Variants in PWP1 observed in about 807,000 individuals in gnomAD.
PWP1 encodes PWP1 homolog, endonuclein, also known as periodic tryptophan protein 1 homolog.
A neutral mutation model predicts 69.9 loss-of-function variants in PWP1; 47 were observed. The observed-to-expected ratio is 0.67, with a 90% CI of 0.53 to 0.86. The LOEUF (loss-of-function observed/expected upper bound fraction) is 0.86. PWP1 is among the 40% of genes least tolerant of loss of function. The probability of loss-of-function intolerance (pLI) is 0.00; values close to 1 mark genes in which losing one functional copy is unlikely to be tolerated. For missense variants in PWP1, 551 were observed against 608.8 expected (o/e 0.91, Z 1.00); for synonymous variants, 222 against 208.2 (o/e 1.07, Z -0.57).
At chr12:107,703,599 T>C (rs1889756171) in intron 9 of PWP1, 86 bp from the exon 10 acceptor site, 1 of 1,130,928 alleles carries the variant, frequency 8.8e-7, no homozygotes, top group Non-Finnish European at 1.3e-6. Flanking sequence ...ATAGAAATAC[T>C]GTCAAATAGA....
rs1026760309 is a variant in PWP1, at chr12:107,697,536, T to C, written c.683T>C (p.Leu228Ser). Reference sequence around the variant, plus strand: ...TGGGACCTTGATATAGTGGACTCTTTAGAGCCAGTCTTCACACTCGGAAGT... The same window carrying C: ...TGGGACCTTGATATAGTGGACTCTTCAGAGCCAGTCTTCACACTCGGAAGT... ...EVWDLDIVDS[L>S]EPVFTLGSKL... Residue 228 changes from leucine (L) to serine (S), a missense_variant, in exon 7 of 15, where the codon TTA (leucine) becomes TCA (serine). By Grantham distance (145) the Leu-to-Ser change is moderately radical. Coordinates refer to ENST00000412830, the MANE Select transcript of PWP1 (RefSeq NM_007062.3). 4 of 1,610,638 alleles carry C rather than the reference T, an allele frequency of 2.5e-6. No individual in the cohort carries two copies. Among genetic ancestry groups the C allele is most frequent in the African/African-American group, 1.3e-5 (1 of 74,660 alleles).
At chr12:107,693,190 T>C (rs1889520331) in intron 5 of PWP1, 94 bp downstream of exon 5, 1 of 1,468,918 alleles carries the variant, frequency 6.8e-7, no homozygotes, top group Admixed American at 2.6e-5. Flanking sequence ...CCAGATCCTA[T>C]TGTATCTCAT....
chr12:107,712,397 C>CAGAT lies in PWP1; in HGVS notation c.*178_*181dup. ...ATATCCGGTCTTTGTGCTTGCTCTTCAGATGGATGGTTTGTAAGGCTCTTG... is the reference window on the plus strand; with the variant it reads ...ATATCCGGTCTTTGTGCTTGCTCTTCAGATAGATGGATGGTTTGTAAGGCTCTTG... On this transcript the variant is annotated 3_prime_UTR_variant, in exon 15 of 15. Coordinates refer to ENST00000412830, the MANE Select transcript of PWP1 (RefSeq NM_007062.3). The CAGAT allele has an allele frequency of 3.8e-6, 2 of 524,130 alleles. No homozygotes were observed. The highest frequency in any genetic ancestry group is 5.9e-5 in the South Asian group (2 of 34,178). 32.5% of individuals were successfully genotyped at this position (524,130 alleles called of 1,614,324 possible). A position where few individuals can be genotyped will look rare whatever the true frequency, so the allele number is the denominator to read the frequency against.
At chr12:107,688,870 C>G (rs1889428027) in intron 3 of PWP1, 68 bp downstream of exon 3, 1 of 1,456,636 alleles carries the variant, frequency 6.9e-7, no homozygotes, top group Non-Finnish European at 9.4e-7. Flanking sequence ...TTGTGGTGTT[C>G]CAAAGCTTTA....
rs934154240 is a variant in PWP1, at chr12:107,709,359, T to G, written c.1290+127T>G. The G allele has an allele frequency of 1.1e-4, 138 of 1,258,756 alleles. 5 individuals carry two copies. In the South Asian group the frequency reaches 2.0e-3, roughly 18 times the overall value. 78.0% of individuals were successfully genotyped at this position (1,258,756 alleles called of 1,614,324 possible). A position where few individuals can be genotyped will look rare whatever the true frequency, so the allele number is the denominator to read the frequency against. Reference sequence around the variant, plus strand: ...AACAAATATGGATGTGTTGGGGAAGTGAATTTTGAGTTTAGTCAAATTTGG... The same window carrying G: ...AACAAATATGGATGTGTTGGGGAAGGGAATTTTGAGTTTAGTCAAATTTGG... On this transcript the variant is annotated intron_variant, in intron 13 of 14. Coordinates refer to ENST00000412830, the MANE Select transcript of PWP1 (RefSeq NM_007062.3).
At chr12:107,691,108 A>G (rs776502458) in intron 3 of PWP1, among the ~76,000 whole-genome samples, 3 of 152,230 alleles carry the variant, frequency 2.0e-5, no homozygotes, top group Non-Finnish European at 4.4e-5. Flanking sequence ...AGTAGATAAC[A>G]TTGTGGAGGC....
chr12:107,687,012 C>T (rs969679211), intron 1 of PWP1, among the ~76,000 whole-genome samples: 5 of 150,288 alleles, frequency 3.3e-5, no homozygotes, highest in Admixed American at 2.6e-4. Context: ...AGAAAAAGAC[C>T]CTGCCTTTAT....
chr12:107,694,447 T>G (rs922225438), intron 5 of PWP1, among the ~76,000 whole-genome samples: 1 of 152,200 alleles, frequency 6.6e-6, no homozygotes. Flanking sequence ...TTCCATTGAT[T>G]AGCTTGGATT....
intron 3 of PWP1, among the ~76,000 whole-genome samples, chr12:107,689,406 A>G (rs1169607538): frequency 6.6e-6 from 1 of 152,004 alleles, no homozygotes; most frequent in Non-Finnish European, 1.5e-5. Flanking sequence ...CCCGTGGATA[A>G]GGGGGGACTA....
chr12:107,687,424 T>C (rs1889391674), intron 1 of PWP1, among the ~76,000 whole-genome samples: 1 of 152,210 alleles, frequency 6.6e-6, no homozygotes, highest in Non-Finnish European at 1.5e-5. Context: ...CAAAAAATAC[T>C]GATGTTTATG....
chr12:107,700,446 T>G (rs1889685482), intron 8 of PWP1, among the ~76,000 whole-genome samples: 1 of 152,232 alleles, frequency 6.6e-6, no homozygotes, highest in Non-Finnish European at 1.5e-5. Context: ...ACTTACTTCT[T>G]TGCAACTGGC....
At chr12:107,705,545 G>A (rs1889805349) in intron 11 of PWP1, among the ~76,000 whole-genome samples, 1 of 116,778 alleles carries the variant, frequency 8.6e-6, no homozygotes, top group Admixed American at 1.2e-4. Flanking sequence ...ACAGGCCCCA[G>A]TGTGTGATGT....
intron 11 of PWP1, among the ~76,000 whole-genome samples, chr12:107,708,283 C>G (rs1468892350): frequency 1.3e-5 from 2 of 152,202 alleles, no homozygotes; most frequent in East Asian, 3.8e-4. Context: ...CAAGCCTTCT[C>G]TTCCCTGGCC....
intron 7 of PWP1, 93 bp downstream of exon 7, chr12:107,697,690 A>G (rs1889619651): frequency 3.9e-6 from 5 of 1,297,644 alleles, no homozygotes; most frequent in Non-Finnish European, 5.5e-6. Flanking sequence ...TTTTTCAATC[A>G]GGTATTCTTG....
chr12:107,710,550 T>TG, intron 14 of PWP1, 40 bp downstream of exon 14: 1 of 1,111,358 alleles, frequency 9.0e-7, no homozygotes, highest in African/African-American at 1.7e-5. Flanking sequence ...CCCCTGCCCC[T>TG]GTAAAAAAAA....
At position 107,712,529 on chromosome 12, in the gene PWP1, G is replaced by A. The variant is rs760712336; in HGVS notation, c.*309G>A. 52 of 188,330 alleles carry A rather than the reference G, an allele frequency of 2.8e-4. No individual in the cohort carries two copies. Among genetic ancestry groups the A allele is most frequent in the Admixed American group, 1.7e-3 (29 of 16,916 alleles). The allele number at this position is 188,330 out of a possible 1,614,324, so 11.7% of individuals were successfully genotyped here. ...ATTTGTAAATAGGTAGTAATTTATAGAATTTTTAAAGCGTAAAATCCGGTA... is the reference window on the plus strand; with the variant it reads ...ATTTGTAAATAGGTAGTAATTTATAAAATTTTTAAAGCGTAAAATCCGGTA... On this transcript the variant is annotated 3_prime_UTR_variant, in exon 15 of 15. Coordinates refer to ENST00000412830, the MANE Select transcript of PWP1 (RefSeq NM_007062.3).
At chr12:107,699,657 C>T (rs1321633775) in intron 8 of PWP1, among the ~76,000 whole-genome samples, 2 of 152,102 alleles carry the variant, frequency 1.3e-5, no homozygotes, top group Non-Finnish European at 2.9e-5. Flanking sequence ...GTTTGGTGAC[C>T]AAGTGCCCTC....
intron 3 of PWP1, among the ~76,000 whole-genome samples, chr12:107,692,149 C>T (rs1889493054): frequency 6.6e-6 from 1 of 152,178 alleles, no homozygotes; most frequent in Non-Finnish European, 1.5e-5. Flanking sequence ...TTCTCTGTTG[C>T]ATATCAGATG....
chr12:107,689,036 A>G (rs1209286062), intron 3 of PWP1, among the ~76,000 whole-genome samples: 1 of 152,186 alleles, frequency 6.6e-6, no homozygotes, highest in East Asian at 1.9e-4. Context: ...TTTATTGCAT[A>G]TATCAGGTTT....
Sources: gnomAD v4.1 joint callset for allele counts (sites outside exome capture counted in the v4.1 genomes callset) on GRCh38, gnomAD v4.1.1 for gene constraint, MANE v1.5 for transcripts, NCBI Gene and HGNC (gene_info 2026-07-23, HGNC 2026-07-21) for gene names.